Variants in MALRD1 observed in about 807,000 individuals in gnomAD.
The protein encoded by MALRD1 is MAM and LDL-receptor class A domain-containing protein 1.
MALRD1 carries 247 observed loss-of-function variants against 242.1 expected under a neutral mutation model. The observed-to-expected ratio is 1.02, with a 90% confidence interval of 0.92 to 1.13. The LOEUF (loss-of-function observed/expected upper bound fraction) is 1.13. MALRD1 is among the 50% of genes most tolerant of loss of function. MALRD1 has a pLI of 0.00. For synonymous variants in MALRD1, 995 were observed against 866.6 expected, an observed-to-expected ratio of 1.15 and a Z score of -2.60; for missense variants, 2,989 against 2,533.1, an observed-to-expected ratio of 1.18 and a Z score of -3.86.
At chr10:19,405,868 T>C (rs67485573) in intron 28 of MALRD1, among the ~76,000 whole-genome samples, 2 of 143,168 alleles carry the variant, frequency 1.4e-5, no homozygotes, top group African/African-American at 2.6e-5. Flanking sequence ...TTTTTTTTTT[T>C]CCTTTTTGCT....
intron 36 of MALRD1, among the ~76,000 whole-genome samples, chr10:19,628,259 A>C (rs78638176): frequency 0.034 from 5,118 of 152,268 alleles, 135 homozygotes; most frequent in Non-Finnish European, 0.054. Flanking sequence ...GGCAATATTC[A>C]TTCAATGTTT....
At chr10:19,480,825 C>T (rs1475668061) in intron 29 of MALRD1, among the ~76,000 whole-genome samples, 2 of 152,096 alleles carry the variant, frequency 1.3e-5, no homozygotes, top group African/African-American at 4.8e-5. Flanking sequence ...GCCTTCTAAA[C>T]AGGCTTTTTT....
chr10:19,338,201 AT>A (rs1843693596), intron 24 of MALRD1, among the ~76,000 whole-genome samples: 1 of 131,426 alleles, frequency 7.6e-6, no homozygotes, highest in South Asian at 2.4e-4. Context: ...CATAGTTTAC[AT>A]TAGGTCTCAC....
chr10:19,705,711 T>C lies in MALRD1; in HGVS notation c.6314+13157T>C, dbSNP rs1452370010. ...CCTATTCCTCCTCCTCCTCCTCCTT[T>C]TTTCTTCTTTTCTATTTTAAAAGAG... On this transcript the variant is annotated intron_variant, in intron 38 of 39. Coordinates refer to ENST00000454679, the MANE Select transcript of MALRD1 (RefSeq NM_001142308.3). 3.3e-5 allele frequency among the ~76,000 whole-genome samples: 5 copies of C among 151,550 alleles called. 1 individual carries two copies. Among genetic ancestry groups the C allele is most frequent in the African/African-American group, 7.3e-5 (3 of 41,102 alleles).
At chr10:19,710,004 G>A (rs567534248) in intron 38 of MALRD1, among the ~76,000 whole-genome samples, 1 of 152,216 alleles carries the variant, frequency 6.6e-6, no homozygotes, top group East Asian at 1.9e-4. Context: ...CAGAACCTGA[G>A]GGAGAAGATC....
At chr10:19,272,793 G>A (rs998718166) in intron 19 of MALRD1, among the ~76,000 whole-genome samples, 6 of 152,178 alleles carry the variant, frequency 3.9e-5, no homozygotes, top group South Asian at 2.1e-4. Flanking sequence ...TTGGTTTTCC[G>A]TTCCTGTGTT....
At chr10:19,391,439 A>G (rs902329379) in intron 28 of MALRD1, among the ~76,000 whole-genome samples, 1 of 152,168 alleles carries the variant, frequency 6.6e-6, no homozygotes, top group Non-Finnish European at 1.5e-5. Flanking sequence ...GCTAGATTTT[A>G]CCTTGCTCAT....
chr10:19,329,923 A>T (rs1843293052), intron 23 of MALRD1, among the ~76,000 whole-genome samples: 1 of 152,204 alleles, frequency 6.6e-6, no homozygotes, highest in African/African-American at 2.4e-5. Context: ...ATATGGCAGA[A>T]GATAAGCCAG....
intron 18 of MALRD1, among the ~76,000 whole-genome samples, chr10:19,256,729 C>A (rs1839529805): frequency 6.6e-6 from 1 of 151,978 alleles, no homozygotes; most frequent in Non-Finnish European, 1.5e-5. Context: ...TTAAAACTTT[C>A]TTTCATAAGG....
chr10:19,203,644 G>A (rs1403513794), intron 14 of MALRD1, 84 bp from the exon 15 acceptor site: 2 of 1,341,050 alleles, frequency 1.5e-6, no homozygotes, highest in Non-Finnish European at 2.0e-6. Flanking sequence ...AGCATAATAA[G>A]GTGAATTCTA....
At chr10:19,283,351 A>C (rs1840917060) in intron 21 of MALRD1, among the ~76,000 whole-genome samples, 170 bp downstream of exon 21, 1 of 152,236 alleles carries the variant, frequency 6.6e-6, no homozygotes, top group Non-Finnish European at 1.5e-5. Flanking sequence ...TCAATTAAAA[A>C]AGCAATGAAT....
chr10:19,688,895 G>A (rs2131814997), intron 36 of MALRD1, among the ~76,000 whole-genome samples: 1 of 152,312 alleles, frequency 6.6e-6, no homozygotes, highest in South Asian at 2.1e-4. Context: ...TGACAAAGAT[G>A]AAAATGCATG....
At chr10:19,470,278 T>C (rs1242599830) in intron 29 of MALRD1, among the ~76,000 whole-genome samples, 1 of 152,012 alleles carries the variant, frequency 6.6e-6, no homozygotes, top group Non-Finnish European at 1.5e-5. Context: ...CAGGATTCCC[T>C]TCATTTTTCA....
At chr10:19,157,177 A>G (rs143759525) in intron 12 of MALRD1, among the ~76,000 whole-genome samples, 39 of 152,274 alleles carry the variant, frequency 2.6e-4, no homozygotes, top group African/African-American at 9.1e-4. Flanking sequence ...TCTGAGATAC[A>G]CATAGCTAAG....
At chr10:19,051,568 T>G (rs549978546) in intron 1 of MALRD1, 6 of 167,766 alleles carry the variant, frequency 3.6e-5, no homozygotes, top group African/African-American at 1.4e-4. Context: ...TAGAAGATGA[T>G]GAAGATTTGA....
In MALRD1 at chr10:19,539,891, TGTGTGTGCGC is replaced by T. The variant is rs1472323376; in HGVS notation, c.5478+8542_5478+8551del. Among the ~76,000 whole-genome samples the T allele has an allele frequency of 5.5e-5, 4 of 72,520 alleles. No homozygotes were observed. In the Admixed American group the frequency reaches 6.1e-4, roughly 11 times the overall value. 47.6% of individuals were successfully genotyped at this position (72,520 alleles called of 152,430 possible). The stretch of plus-strand genomic sequence containing the variant: ...GTGTGTGTGTGTGTGTGTGTGTGTG[TGTGTGTGCGC>T]GCGCGCGTGCGCGCACACACGCGCA... On this transcript the variant is annotated intron_variant, in intron 32 of 39. Coordinates refer to ENST00000454679, the MANE Select transcript of MALRD1 (RefSeq NM_001142308.3).
intron 33 of MALRD1, among the ~76,000 whole-genome samples, chr10:19,568,726 T>G (rs1489560244): frequency 6.6e-6 from 1 of 152,166 alleles, no homozygotes; most frequent in Non-Finnish European, 1.5e-5. Flanking sequence ...TCCTGGTTTT[T>G]GGGGTTCCAT....
intron 34 of MALRD1, among the ~76,000 whole-genome samples, chr10:19,602,458 T>C (rs1197466223): frequency 6.6e-6 from 1 of 151,218 alleles, no homozygotes; most frequent in Non-Finnish European, 1.5e-5. Flanking sequence ...TGTTTTTTTT[T>C]CCTTGCGATA....
At chr10:19,083,507 T>G (rs1835560842) in intron 2 of MALRD1, among the ~76,000 whole-genome samples, 1 of 152,032 alleles carries the variant, frequency 6.6e-6, no homozygotes, top group Admixed American at 6.6e-5. Flanking sequence ...TATGAAGTTA[T>G]AACACTTGCT....
Sources: gnomAD v4.1 joint callset for allele counts (sites outside exome capture counted in the v4.1 genomes callset) on GRCh38, gnomAD v4.1.1 for gene constraint, MANE v1.5 for transcripts, NCBI Gene and HGNC (gene_info 2026-07-23, HGNC 2026-07-21) for gene names.